DSP: variants seen among roughly 807,000 people sequenced by gnomAD.
The protein encoded by DSP is 250/210 kDa paraneoplastic pemphigus antigen.
Under a neutral mutation model 290.6 loss-of-function variants are expected in DSP, and 114 were observed. The ratio of observed to expected loss-of-function variants is 0.39; its 90% CI spans 0.34 to 0.46. The LOEUF is 0.46. Ranked by LOEUF, DSP falls within the 20% of genes least tolerant of loss-of-function variation. The probability of loss-of-function intolerance (pLI) is 0.99; values close to 1 mark genes in which losing one functional copy is unlikely to be tolerated. For missense variants in DSP, 3,230 were observed against 3,495.8 expected (o/e 0.92, Z 1.92); for synonymous variants, 1,311 against 1,316.4 (o/e 1.00, Z 0.09).
At chr6:7,574,904 T>C in intron 17 of DSP, 109 bp downstream of exon 17, 1 of 1,466,062 alleles carries the variant, frequency 6.8e-7, no homozygotes, top group Non-Finnish European at 9.5e-7. Flanking sequence ...GATTATTGGG[T>C]TTCAGTGGCC....
chr6:7,571,049 G>A (rs984989340), intron 13 of DSP, among the ~76,000 whole-genome samples: 1 of 152,044 alleles, frequency 6.6e-6, no homozygotes, highest in African/African-American at 2.4e-5. Context: ...GAGGAGAGGG[G>A]CACAGAAAGT....
Position 7,562,869 on chromosome 6 carries a change from A to G in DSP, c.726+89A>G, listed in dbSNP as rs138865045. ...AATCCCAGGGAGTTTCTTCTGAAACATTGCTATTATTTCTTTCCCAGAAGA... is the reference window on the plus strand; with the variant it reads ...AATCCCAGGGAGTTTCTTCTGAAACGTTGCTATTATTTCTTTCCCAGAAGA... On this transcript the variant is annotated intron_variant, in intron 5 of 23. Transcript: ENST00000379802. 268 of 1,572,294 alleles carry G rather than the reference A, an allele frequency of 1.7e-4. No individual in the cohort carries two copies. In the African/African-American group the frequency reaches 2.9e-3, roughly 17 times the overall value.
chr6:7,545,312 G>C (rs1002944651), intron 1 of DSP, among the ~76,000 whole-genome samples: 48 of 152,220 alleles, frequency 3.2e-4, no homozygotes, highest in African/African-American at 1.1e-3. Flanking sequence ...ATTTTAGAGC[G>C]GGGGGACCCC....
In DSP at chr6:7,585,400, T is replaced by A; in HGVS notation, c.8138T>A (p.Val2713Glu). The change falls in exon 24 of 24, where the codon GTG becomes GAG. Residue 2713 changes from valine to glutamate, a missense_variant. Coordinates refer to ENST00000379802, the MANE Select transcript of DSP (RefSeq NM_004415.4). Reference protein sequence around the residue: ...GKKKMSAAEAVKEKWLPYEAG... With the variant: ...GKKKMSAAEAEKEKWLPYEAG... ...AAGAAGATGTCAGCAGCAGAGGCAGTGAAAGAAAAATGGCTCCCGTATGAG... is the reference window on the plus strand; with the variant it reads ...AAGAAGATGTCAGCAGCAGAGGCAGAGAAAGAAAAATGGCTCCCGTATGAG... The A allele has an allele frequency of 6.2e-7, 1 of 1,613,962 alleles. No individual in the cohort carries two copies. Among genetic ancestry groups the A allele is most frequent in the Non-Finnish European group, 8.5e-7 (1 of 1,179,966 alleles).
In DSP at chr6:7,585,210, C is replaced by T. The variant is rs774503383; in HGVS notation, c.7948C>T (p.Leu2650Phe). 1 of 1,614,200 alleles carries T rather than the reference C, an allele frequency of 6.2e-7. No individual in the cohort carries two copies. The highest frequency in any genetic ancestry group is 1.1e-5 in the South Asian group (1 of 91,080). ...GIVDSITGQR[L>F]LEAQACTGGI... ...CGTTGACAGCATCACGGGTCAGAGG[C>T]TTCTGGAGGCTCAGGCCTGCACAGG... is the stretch of plus-strand genomic sequence containing the variant. The change falls in exon 24 of 24, where the codon CTT (leucine) becomes TTT (phenylalanine). Residue 2650 changes from leucine (L) to phenylalanine (F), a missense_variant. By Grantham distance (22) the Leu-to-Phe change is conservative. This residue lies in a region of DSP where 582 missense variants were observed against 555.4 expected (regional missense o/e 1.05). Transcript: ENST00000379802.
At chr6:7,573,927 A>G (rs1223876053) in intron 15 of DSP, among the ~76,000 whole-genome samples, 159 bp from the exon 16 acceptor site, 9 of 152,230 alleles carry the variant, frequency 5.9e-5, no homozygotes, top group Admixed American at 2.6e-4. Context: ...CATACAAAAA[A>G]AGATAACCAT....
chr6:7,554,123 A>ACACACACACACACACACACACACACC (rs1364448993), intron 1 of DSP, among the ~76,000 whole-genome samples: 1 of 150,756 alleles, frequency 6.6e-6, no homozygotes, highest in Admixed American at 6.6e-5. Flanking sequence ...ACACACACAC[A>ACACACACACACACACACACACACACC]CACCCAGTTG....
In DSP at chr6:7,575,429, T is replaced by C. The variant is rs1216646957; in HGVS notation, c.2571T>C (p.Gly857=). The C allele has an allele frequency of 1.2e-6, 2 of 1,614,006 alleles. No individual in the cohort carries two copies. The highest frequency in any genetic ancestry group is 1.7e-6 in the Non-Finnish European group (2 of 1,180,032). Residue 857 remains glycine, a synonymous_variant, in exon 18 of 24, where the codon GGT becomes GGC. Coordinates refer to ENST00000379802, the MANE Select transcript of DSP (RefSeq NM_004415.4). ...ATGATCTGGACTTGGGCAAGTTCGG[T>C]GAAAAAGTCACACAGCTGACAGACC... is the stretch of plus-strand genomic sequence containing the variant. ...PLYDLDLGKF[G]EKVTQLTDRW... is the part of the protein sequence containing the mutation.
At chr6:7,572,371 A>G (rs1759083149) in intron 15 of DSP, among the ~76,000 whole-genome samples, 1 of 152,168 alleles carries the variant, frequency 6.6e-6, no homozygotes, top group South Asian at 2.1e-4. Flanking sequence ...AGGGGGAATG[A>G]TCTTTATTTG....
At position 7,565,471 on chromosome 6, in the gene DSP, A is replaced by G. The variant is rs1758832753; in HGVS notation, c.890A>G (p.Asp297Gly). ...NDCEEEELLY[D>G]WSDKNTNIAQ... ...TGCGAGGAGGAGGAGCTGCTGTACG[A>G]CTGGAGCGACAAGAACACCAACATC... The change falls in exon 7 of 24, where the codon GAC (aspartate) becomes GGC (glycine). Residue 297 changes from aspartate to glycine, a missense_variant. This residue lies in a region of DSP where 646 missense variants were observed against 684.3 expected (regional missense o/e 0.94). Transcript: ENST00000379802. This position sits in a 1 kb window ranked among gnomAD's most constrained non-coding sequence, Gnocchi z 4.2. The G allele has an allele frequency of 6.2e-7, 1 of 1,613,928 alleles. No homozygotes were observed. The highest frequency in any genetic ancestry group is 1.1e-5 in the South Asian group (1 of 91,078).
intron 13 of DSP, 34 bp from the exon 14 acceptor site, chr6:7,571,349 A>G: frequency 2.5e-6 from 4 of 1,613,798 alleles, no homozygotes; most frequent in Non-Finnish European, 3.4e-6. Flanking sequence ...GGGCAGTCAT[A>G]AATCCCAAAT....
Position 7,574,739 on chromosome 6 carries a change from G to A in DSP, c.2380G>A (p.Glu794Lys). The A allele has an allele frequency of 6.2e-7, 1 of 1,614,162 alleles. No individual in the cohort carries two copies. Among genetic ancestry groups the A allele is most frequent in the South Asian group, 1.1e-5 (1 of 91,084 alleles). ...LKVYEARLTE[E>K]ETVCLDLDKV... ...GGTTTATGAAGCCAGGCTCACTGAG[G>A]AGGAAACTGTCTGCCTGGACCTGGA... is the stretch of plus-strand genomic sequence containing the variant. The change falls in exon 17 of 24, where the codon GAG becomes AAG. Residue 794 changes from glutamate to lysine, a missense_variant. Physicochemically the swap from Glu to Lys is moderately conservative, Grantham distance 56. Around this residue, in one of 5 missense-constraint regions of DSP, gnomAD observed 1,714 missense variants for 1,844.5 expected, o/e 0.93. Transcript: ENST00000379802.
At chr6:7,577,943 T>G in intron 21 of DSP, 57 bp downstream of exon 21, 1 of 1,388,050 alleles carries the variant, frequency 7.2e-7, no homozygotes, top group Non-Finnish European at 1.0e-6. Flanking sequence ...TTCTTCCCTT[T>G]TCCCTGTCTC....
At position 7,584,142 on chromosome 6, in the gene DSP, G is replaced by A. The variant is rs1422022096; in HGVS notation, c.6880G>A (p.Ala2294Thr). 1.2e-6 allele frequency: 2 copies of A among 1,614,074 alleles called. No homozygotes were observed. The highest frequency in any genetic ancestry group is 1.7e-5 in the Admixed American group (1 of 60,006). Reference sequence around the variant, plus strand: ...TGGTACTGCTCTGGAGTTGCTGGAAGCCCAAGCAGCTACTGGCTTTATAGT... The same window carrying A: ...TGGTACTGCTCTGGAGTTGCTGGAAACCCAAGCAGCTACTGGCTTTATAGT... ...RPGTALELLE[A>T]QAATGFIVDP... Residue 2294 changes from alanine (A) to threonine (T), a missense_variant, in exon 24 of 24, where the codon GCC becomes ACC. Ala to Thr is a moderately conservative substitution (Grantham distance 58, BLOSUM62 0). This residue lies in a region of DSP where 207 missense variants were observed against 281.2 expected (regional missense o/e 0.74). Coordinates refer to ENST00000379802, the MANE Select transcript of DSP (RefSeq NM_004415.4). This position sits in a 1 kb window ranked among gnomAD's most constrained non-coding sequence, Gnocchi z 6.4.
chr6:7,551,113 CAT>C (rs1320895255), intron 1 of DSP, among the ~76,000 whole-genome samples: 2 of 152,016 alleles, frequency 1.3e-5, no homozygotes, highest in Non-Finnish European at 2.9e-5. Flanking sequence ...ATGAACTTAA[CAT>C]AGACATTTGT....
chr6:7,576,208 A>G (rs2113686283), intron 18 of DSP, 86 bp from the exon 19 acceptor site: 2 of 1,431,960 alleles, frequency 1.4e-6, no homozygotes, highest in Non-Finnish European at 1.9e-6. Context: ...TCTTGGGTAT[A>G]TATCAAGTGA....
rs28763967 is a variant in DSP at position 7,580,799 on chromosome 6, C to T, written c.4609C>T (p.Arg1537Cys). Residue 1537 changes from arginine to cysteine, a missense_variant, in exon 23 of 24, where the codon CGC (arginine) becomes TGC (cysteine). This residue lies in a region of DSP where 1,714 missense variants were observed against 1,844.5 expected (regional missense o/e 0.93). Coordinates refer to ENST00000379802, the MANE Select transcript of DSP (RefSeq NM_004415.4). The surrounding 1 kb of genome is among the most constrained non-coding windows in gnomAD (Gnocchi z 4.2). The stretch of plus-strand genomic sequence containing the variant: ...GAAGGTTCAGGAGCAAGAACTGACA[C>T]GCCTGAGGATCGACTATGAAAGGGT... The part of the protein sequence containing the change: ...KLKVQEQELT[R>C]LRIDYERVSQ... 0.013 allele frequency: 21,306 copies of T among 1,614,112 alleles called. 189 individuals are homozygous for T. The highest frequency in any genetic ancestry group is 0.017 in the Non-Finnish European group (19,593 of 1,180,034).
At chr6:7,568,654 A>C (rs1223528122) in intron 11 of DSP, 65 bp downstream of exon 11, 2 of 1,566,632 alleles carry the variant, frequency 1.3e-6, no homozygotes, top group African/African-American at 2.7e-5. Context: ...TTTGTCCATC[A>C]AGAAAGCAAC....
At chr6:7,564,093 C>T (rs536619701) in intron 6 of DSP, among the ~76,000 whole-genome samples, 4 of 152,288 alleles carry the variant, frequency 2.6e-5, no homozygotes, top group Admixed American at 6.5e-5. Context: ...CCACTGCGCC[C>T]GGCCTAAAAG....
Sources: gnomAD v4.1 joint callset for allele counts (sites outside exome capture counted in the v4.1 genomes callset) on GRCh38, gnomAD v4.1.1 for gene constraint, gnomAD v4.1.1 regional missense constraint, Gnocchi (gnomAD v3.1) non-coding constraint, MANE v1.5 for transcripts, NCBI Gene and HGNC (gene_info 2026-07-23, HGNC 2026-07-21) for gene names.